CDC42BPG: variants seen among roughly 807,000 people sequenced by gnomAD.
The protein encoded by CDC42BPG is serine/threonine-protein kinase MRCK gamma.
Under a neutral mutation model 192.2 loss-of-function variants are expected in CDC42BPG, and 157 were observed. The ratio of observed to expected loss-of-function variants is 0.82; its 90% CI spans 0.72 to 0.93. The LOEUF (loss-of-function observed/expected upper bound fraction) is 0.93. CDC42BPG is among the 40% of genes least tolerant of loss of function. The pLI, the probability that CDC42BPG is intolerant of heterozygous loss-of-function variation, is 0.00. For synonymous variants in CDC42BPG, 981 were observed against 918.5 expected, an observed-to-expected ratio of 1.07 and a Z score of -1.23; for missense variants, 1,992 against 2,122.1, an observed-to-expected ratio of 0.94 and a Z score of 1.20.
Position 64,834,892 on chromosome 11 carries a change from G to T in CDC42BPG, c.2132C>A (p.Ser711Tyr). ...LATKMAEELE[S>Y]LRNVGTQTLP... ...CGTCTGGGTGCCTACGTTCCTCAAG[G>T]ACTCCAGCTCCTCTGCCATCTTGGT... Residue 711 changes from serine (S) to tyrosine (Y), a missense_variant, in exon 18 of 37, where the codon TCC (serine) becomes TAC (tyrosine). Physicochemically the swap from Ser to Tyr is moderately radical, Grantham distance 144. Around this residue, in one of 2 missense-constraint regions of CDC42BPG, gnomAD observed 1,656 missense variants for 1,844.3 expected, o/e 0.90. Transcript: ENST00000342711. 3 of 1,614,044 alleles carry T rather than the reference G, an allele frequency of 1.9e-6. No homozygotes were observed. Among genetic ancestry groups the T allele is most frequent in the Non-Finnish European group, 2.5e-6 (3 of 1,180,014 alleles).
In CDC42BPG at chr11:64,841,875, G is replaced by C; in HGVS notation, c.190C>G (p.Leu64Val). 1 of 1,613,410 alleles carries C rather than the reference G, an allele frequency of 6.2e-7. No individual in the cohort carries two copies. The highest frequency in any genetic ancestry group is 8.5e-7 in the Non-Finnish European group (1 of 1,179,726). ...ASPFVSKVKELRLQRDDFEIL... is the reference protein window; with the variant it reads ...ASPFVSKVKEVRLQRDDFEIL... ...TCAAAGTCATCTCTCTGCAGACGCA[G>C]TTCTTTCACCTTTGATACGAAGGGG... Residue 64 changes from leucine to valine, a missense_variant, in exon 2 of 37, where the codon CTG (leucine) becomes GTG (valine). Physicochemically the swap from Leu to Val is conservative, Grantham distance 32. This residue lies in a region of CDC42BPG where 1,656 missense variants were observed against 1,844.3 expected (regional missense o/e 0.90). Coordinates refer to ENST00000342711, the MANE Select transcript of CDC42BPG (RefSeq NM_017525.3).
chr11:64,838,666 G>A lies in CDC42BPG; in HGVS notation c.1113C>T (p.Thr371=), dbSNP rs781264687. The A allele has an allele frequency of 1.9e-6, 3 of 1,612,774 alleles. No individual in the cohort carries two copies. Among genetic ancestry groups the A allele is most frequent in the East Asian group, 2.2e-5 (1 of 44,890 alleles). ...CTTTGCCACTCACTGGATGGTTGAG[G>A]GTGTCGTCATCCACATCAAAGTTGG... ...DTSNFDVDDD[T]LNHPGTLPPP... is the part of the protein sequence containing the mutation. The change falls in exon 8 of 37, where the codon ACC becomes ACT. Residue 371 remains threonine (T), a synonymous_variant. Coordinates refer to ENST00000342711, the MANE Select transcript of CDC42BPG (RefSeq NM_017525.3).
At chr11:64,824,581 C>T in intron 36 of CDC42BPG, 52 bp from the exon 37 acceptor site, 1 of 1,324,218 alleles carries the variant, frequency 7.6e-7, no homozygotes, top group South Asian at 1.2e-5. Flanking sequence ...AGAACTCTTT[C>T]CTCATAGGGC....
Position 64,829,595 on chromosome 11 carries a change from A to G in CDC42BPG, c.3843T>C (p.Gly1281=), listed in dbSNP as rs1247422197. The G allele has an allele frequency of 2.5e-6, 4 of 1,612,148 alleles. No homozygotes were observed. The highest frequency in any genetic ancestry group is 3.4e-6 in the Non-Finnish European group (4 of 1,179,638). ...ACTCGCTGAGGCTAAGCTCCACGGC[A>G]CCCAGTGCCTCACCCAGGCCCCCGC... is the stretch of plus-strand genomic sequence containing the variant. ...PSRGGLGEAL[G]AVELSLSEFL... is the part of the protein sequence containing the mutation. The change falls in exon 30 of 37, where the codon GGT becomes GGC. Residue 1281 remains glycine (G), a synonymous_variant. Transcript: ENST00000342711.
intron 32 of CDC42BPG, 33 bp downstream of exon 32, chr11:64,827,493 GA>G: frequency 6.2e-7 from 1 of 1,605,356 alleles, no homozygotes. Flanking sequence ...GCGCACTGGG[GA>G]ACGCACACAC....
At chr11:64,827,648 AC>A (rs770605670) in intron 31 of CDC42BPG, 37 bp from the exon 32 acceptor site, 39 of 1,603,356 alleles carry the variant, frequency 2.4e-5, no homozygotes, top group Non-Finnish European at 3.0e-5. Flanking sequence ...CCACGCCTCC[AC>A]CCCCGGCGCT....
Position 64,832,759 on chromosome 11 carries a change from G to A in CDC42BPG, c.2866-16C>T, listed in dbSNP as rs1185976008. ...GCCGCGGCACCTGGCGGAAAGGCAA[G>A]CATGGGAGGGCTGCAGGGACCCTCA... On this transcript the variant is annotated splice_polypyrimidine_tract_variant and intron_variant, in intron 25 of 36. Coordinates refer to ENST00000342711, the MANE Select transcript of CDC42BPG (RefSeq NM_017525.3). The A allele has an allele frequency of 3.1e-6, 5 of 1,598,176 alleles. No homozygotes were observed. The highest frequency in any genetic ancestry group is 4.6e-5 in the East Asian group (2 of 43,672).
rs767150177 is a variant in CDC42BPG at position 64,833,638 on chromosome 11, T to C, written c.2587A>G (p.Thr863Ala). ...RMGAVFPRAPTANTASTEGLP... is the reference protein window; with the variant it reads ...RMGAVFPRAPAANTASTEGLP... ...CCTTCTGTAGAGGCTGTGTTGGCAG[T>C]GGGTGCTCTGGGGAACACAGCCTGC... The change falls in exon 23 of 37, where the codon ACT becomes GCT. Residue 863 changes from threonine (T) to alanine (A), a missense_variant. By Grantham distance (58) the Thr-to-Ala change is moderately conservative. This residue lies in a region of CDC42BPG where 1,656 missense variants were observed against 1,844.3 expected (regional missense o/e 0.90). Transcript: ENST00000342711. The C allele has an allele frequency of 3.1e-6, 5 of 1,612,108 alleles. No individual in the cohort carries two copies. Among genetic ancestry groups the C allele is most frequent in the Admixed American group, 1.7e-5 (1 of 59,780 alleles).
In CDC42BPG at chr11:64,834,851, G is replaced by A. The variant is rs1224129522; in HGVS notation, c.2173C>T (p.Leu725=). The A allele has an allele frequency of 5.6e-6, 9 of 1,612,514 alleles. No individual in the cohort carries two copies. Among genetic ancestry groups the A allele is most frequent in the Non-Finnish European group, 7.6e-6 (9 of 1,179,602 alleles). The change falls in exon 18 of 37, where the codon CTG becomes TTG. Residue 725 remains leucine, a splice_region_variant and synonymous_variant. Coordinates refer to ENST00000342711, the MANE Select transcript of CDC42BPG (RefSeq NM_017525.3). ...VGTQTLPARP[L]DHQWKARRLQ... ...CCAGGGGCATCTCTGGGGCTCACCA[G>A]TGGCCGGGCAGGGAGCGTCTGGGTG...
chr11:64,829,790 C>T lies in CDC42BPG; in HGVS notation c.3648G>A (p.Gln1216=). The part of the protein sequence containing the change: ...YQLGPGPGPW[Q]RRIRELQAPA... ...GTGCCTGCAGCTCACGGATGCGGCG[C>T]TGCCAGGGCCCAGGGCCCGGGCCCA... The change falls in exon 30 of 37, where the codon CAG becomes CAA. Residue 1216 remains glutamine, a synonymous_variant. Transcript: ENST00000342711. 1 of 1,600,696 alleles carries T rather than the reference C, an allele frequency of 6.2e-7. No homozygotes were observed. Among genetic ancestry groups the T allele is most frequent in the South Asian group, 1.1e-5 (1 of 90,092 alleles).
At chr11:64,842,933 C>T (rs1943343229) in intron 1 of CDC42BPG, among the ~76,000 whole-genome samples, 2 of 152,256 alleles carry the variant, frequency 1.3e-5, no homozygotes, top group African/African-American at 4.8e-5. Flanking sequence ...AGGCAGAAGC[C>T]CGCAGCGGGG....
At chr11:64,831,852 G>A (rs67469437) in intron 27 of CDC42BPG, 131 bp from the exon 28 acceptor site, 24,001 of 775,040 alleles carry the variant, frequency 0.031, 537 homozygotes, top group Middle Eastern at 0.078. Flanking sequence ...AGGCCAGACA[G>A]GCAAACAGAC....
chr11:64,841,273 C>G (rs1399684877), intron 3 of CDC42BPG, among the ~76,000 whole-genome samples: 1 of 150,996 alleles, frequency 6.6e-6, no homozygotes, highest in Non-Finnish European at 1.5e-5. Flanking sequence ...TCCAACATAG[C>G]AAAACCTCAT....
In CDC42BPG at chr11:64,842,652, G is replaced by A. The variant is rs141250342; in HGVS notation, c.161-748C>T. Among the ~76,000 whole-genome samples the A allele has an allele frequency of 3.2e-3, 493 of 152,314 alleles. 3 individuals carry two copies. The highest frequency in any genetic ancestry group is 0.011 in the African/African-American group (474 of 41,568). On this transcript the variant is annotated intron_variant, in intron 1 of 36. Coordinates refer to ENST00000342711, the MANE Select transcript of CDC42BPG (RefSeq NM_017525.3). ...CCCAGCCCTGCCTCCCTGTCTGGAC[G>A]AAGCTTTTGTCTGGTCAAGAACGTC...
Position 64,836,178 on chromosome 11 carries a change from G to A in CDC42BPG, c.1607C>T (p.Thr536Ile). ...GCTCAGGGCCCGGGTCTGGCTAGCT[G>A]TGGCCGCCTCTCTCTCCTGGGCCTC... ...LQEAQEREAA[T>I]ASQTRALSSQ... is the part of the protein sequence containing the mutation. Residue 536 changes from threonine (T) to isoleucine (I), a missense_variant, in exon 13 of 37, where the codon ACA (threonine) becomes ATA (isoleucine). Physicochemically the swap from Thr to Ile is moderately conservative, Grantham distance 89 (BLOSUM62 -1). Transcript: ENST00000342711. The A allele has an allele frequency of 6.3e-7, 1 of 1,593,574 alleles. No individual in the cohort carries two copies. Among genetic ancestry groups the A allele is most frequent in the Non-Finnish European group, 8.5e-7 (1 of 1,171,960 alleles).
In CDC42BPG at chr11:64,834,492, C is replaced by G; in HGVS notation, c.2261G>C (p.Arg754Pro). 1 of 1,574,084 alleles carries G rather than the reference C, an allele frequency of 6.4e-7. No individual in the cohort carries two copies. Among genetic ancestry groups the G allele is most frequent in the Non-Finnish European group, 8.6e-7 (1 of 1,160,068 alleles). ...CCGCTCCTGCAGGCCCTGCTTGGCG[C>G]GGATCTCGGCCTCCAGCGCTGACTG... ...ELQSALEAEI[R>P]AKQGLQERLT... Residue 754 changes from arginine to proline, a missense_variant, in exon 19 of 37, where the codon CGC becomes CCC. This residue lies in a region of CDC42BPG where 1,656 missense variants were observed against 1,844.3 expected (regional missense o/e 0.90). Coordinates refer to ENST00000342711, the MANE Select transcript of CDC42BPG (RefSeq NM_017525.3).
Position 64,841,641 on chromosome 11 carries a change from C to T in CDC42BPG, c.336+9G>A. On this transcript the variant is annotated intron_variant, in intron 3 of 36. Coordinates refer to ENST00000342711, the MANE Select transcript of CDC42BPG (RefSeq NM_017525.3). Reference sequence around the variant, plus strand: ...GGGTGCCCAAGGGCCCCCCAGACTCCACACTGACCTCAGCCCTCTTCAGCA... The same window carrying T: ...GGGTGCCCAAGGGCCCCCCAGACTCTACACTGACCTCAGCCCTCTTCAGCA... 2 of 1,612,856 alleles carry T rather than the reference C, an allele frequency of 1.2e-6. No homozygotes were observed. The highest frequency in any genetic ancestry group is 1.7e-6 in the Non-Finnish European group (2 of 1,179,454).
At chr11:64,828,003 T>C (rs1292635057) in intron 30 of CDC42BPG, among the ~76,000 whole-genome samples, 1 of 152,168 alleles carries the variant, frequency 6.6e-6, no homozygotes, top group Non-Finnish European at 1.5e-5. Context: ...TTTCCTGCCT[T>C]AATTTTCTAA....
intron 27 of CDC42BPG, 108 bp downstream of exon 27, chr11:64,832,320 G>T: frequency 8.7e-7 from 1 of 1,145,346 alleles, no homozygotes; most frequent in Non-Finnish European, 1.3e-6. Context: ...GCGTGCTGTG[G>T]TTGTGGGCTG....
Sources: allele counts gnomAD v4.1 joint callset (sites outside exome capture counted in the v4.1 genomes callset), GRCh38; gene constraint gnomAD v4.1.1; regional missense constraint gnomAD v4.1.1; transcripts MANE v1.5; gene names NCBI Gene and HGNC (gene_info 2026-07-23, HGNC 2026-07-21).